The following SPATA17 variants were observed in gnomAD, a reference collection of about 807,000 sequenced individuals.
The protein encoded by SPATA17 is spermatogenesis associated 17, also known as spermatogenesis-associated protein 17.
Under a neutral mutation model 62.2 loss-of-function variants are expected in SPATA17, and 53 were observed. That is an observed-to-expected ratio of 0.85 (90% confidence interval 0.68 to 1.07). The LOEUF is 1.07. Ranked by LOEUF, SPATA17 falls within the 50% of genes least tolerant of loss-of-function variation. The probability of loss-of-function intolerance (pLI) is 0.00; values close to 1 mark genes in which losing one functional copy is unlikely to be tolerated. For synonymous variants in SPATA17, 146 were observed against 146.8 expected (o/e 0.99, Z 0.04); for missense variants, 466 against 425.5 (o/e 1.10, Z -0.84).
chr1:217,733,549 TA>T (rs1252841416), intron 5 of SPATA17, among the ~76,000 whole-genome samples: 1 of 152,222 alleles, frequency 6.6e-6, no homozygotes, highest in African/African-American at 2.4e-5. Flanking sequence ...TACATTCTGA[TA>T]AATTATCAGC....
intron 6 of SPATA17, among the ~76,000 whole-genome samples, chr1:217,749,304 C>A (rs185770218): frequency 2.0e-4 from 31 of 152,228 alleles, no homozygotes; most frequent in African/African-American, 7.5e-4. Context: ...GATATACAGG[C>A]AAAAGGATGT....
intron 5 of SPATA17, among the ~76,000 whole-genome samples, chr1:217,716,590 CTG>C (rs1672009067): frequency 6.6e-6 from 1 of 152,110 alleles, no homozygotes; most frequent in South Asian, 2.1e-4. Context: ...AACATTATAA[CTG>C]AGTAGTTACT....
intron 9 of SPATA17, among the ~76,000 whole-genome samples, chr1:217,855,140 AT>A (rs1409928319): frequency 1.3e-5 from 2 of 152,140 alleles, no homozygotes; most frequent in Non-Finnish European, 2.9e-5. Flanking sequence ...GTTATTCCCC[AT>A]TTCATTTGGT....
chr1:217,683,497 GGC>G, intron 5 of SPATA17, 136 bp downstream of exon 5: 1 of 589,650 alleles, frequency 1.7e-6, no homozygotes, highest in Non-Finnish European at 3.0e-6. Flanking sequence ...GGAGTGCAGT[GGC>G]GCAATCTCGG....
At chr1:217,738,985 T>C (rs1672571368) in intron 5 of SPATA17, among the ~76,000 whole-genome samples, 2 of 151,862 alleles carry the variant, frequency 1.3e-5, no homozygotes, top group Non-Finnish European at 2.9e-5. Flanking sequence ...AAAAACAGAG[T>C]CTATGCTCTT....
At chr1:217,698,388 T>A (rs1366783594) in intron 5 of SPATA17, among the ~76,000 whole-genome samples, 1 of 151,876 alleles carries the variant, frequency 6.6e-6, no homozygotes, top group African/African-American at 2.4e-5. Context: ...GAGCTGAGGT[T>A]GTGCCACTGC....
chr1:217,698,385 G>A (rs1305345533), intron 5 of SPATA17, among the ~76,000 whole-genome samples: 3 of 151,978 alleles, frequency 2.0e-5, no homozygotes, highest in Non-Finnish European at 2.9e-5. Flanking sequence ...AGTGAGCTGA[G>A]GTTGTGCCAC....
At chr1:217,693,188 A>G (rs569012419) in intron 5 of SPATA17, among the ~76,000 whole-genome samples, 1 of 151,614 alleles carries the variant, frequency 6.6e-6, no homozygotes, top group Non-Finnish European at 1.5e-5. Context: ...TGGTCTATTC[A>G]GAGATTCAGC....
chr1:217,753,780 G>A (rs1222443931), intron 6 of SPATA17, among the ~76,000 whole-genome samples: 1 of 151,820 alleles, frequency 6.6e-6, no homozygotes, highest in Non-Finnish European at 1.5e-5. Flanking sequence ...AAAGAATTAG[G>A]ACAAAGTACA....
intron 6 of SPATA17, among the ~76,000 whole-genome samples, chr1:217,745,160 T>C (rs1204865621): frequency 5.9e-5 from 9 of 152,180 alleles, no homozygotes; most frequent in African/African-American, 9.7e-5. Flanking sequence ...ACAGGTGAAA[T>C]TGTATTCTCA....
chr1:217,846,170 TGGG>T (rs1675523534), intron 9 of SPATA17, among the ~76,000 whole-genome samples: 1 of 152,118 alleles, frequency 6.6e-6, no homozygotes, highest in Admixed American at 6.6e-5. Context: ...TGGAAACTAA[TGGG>T]ATTCTAGATA....
At chr1:217,754,376 A>T (rs1672991723) in intron 6 of SPATA17, among the ~76,000 whole-genome samples, 2 of 152,212 alleles carry the variant, frequency 1.3e-5, no homozygotes, top group Admixed American at 1.3e-4. Flanking sequence ...TTTATAATAT[A>T]ATAAAATCCA....
At chr1:217,784,425 A>G (rs1673805128) in intron 8 of SPATA17, among the ~76,000 whole-genome samples, 1 of 152,146 alleles carries the variant, frequency 6.6e-6, no homozygotes, top group African/African-American at 2.4e-5. Context: ...TTTTGTTTTC[A>G]TATCATTATG....
chr1:217,741,360 T>G (rs2102947780), intron 5 of SPATA17, among the ~76,000 whole-genome samples: 1 of 152,278 alleles, frequency 6.6e-6, no homozygotes, highest in Non-Finnish European at 1.5e-5. Context: ...TTTATTATAC[T>G]TAGAAAAGAC....
chr1:217,855,326 G>T, intron 9 of SPATA17, among the ~76,000 whole-genome samples: 1 of 152,004 alleles, frequency 6.6e-6, no homozygotes, highest in East Asian at 1.9e-4. Context: ...TCTTACCATG[G>T]TATCACTAGC....
chr1:217,804,524 G>A (rs1674387955), intron 9 of SPATA17, among the ~76,000 whole-genome samples: 1 of 152,020 alleles, frequency 6.6e-6, no homozygotes, highest in Non-Finnish European at 1.5e-5. Context: ...GGCAACAAAA[G>A]CAAAAATAGA....
At chr1:217,772,387 AT>A (rs1227153542) in intron 6 of SPATA17, among the ~76,000 whole-genome samples, 2 of 152,202 alleles carry the variant, frequency 1.3e-5, no homozygotes, top group African/African-American at 2.4e-5. Context: ...GTACAAAAAT[AT>A]TTTTAAATGT....
chr1:217,862,667 C>A, intron 9 of SPATA17, 107 bp from the exon 10 acceptor site: 2 of 770,856 alleles, frequency 2.6e-6, no homozygotes, highest in Non-Finnish European at 4.1e-6. Flanking sequence ...ATTTGAAGTG[C>A]AGTTGAAAGA....
At chr1:217,838,515 T>C (rs1245966311) in intron 9 of SPATA17, among the ~76,000 whole-genome samples, 2 of 152,084 alleles carry the variant, frequency 1.3e-5, no homozygotes, top group Non-Finnish European at 1.5e-5. Context: ...AAAAATATTT[T>C]AATGAAAATA....
Sources: gnomAD v4.1 joint callset for allele counts (sites outside exome capture counted in the v4.1 genomes callset) on GRCh38, gnomAD v4.1.1 for gene constraint, MANE v1.5 for transcripts, NCBI Gene and HGNC (gene_info 2026-07-23, HGNC 2026-07-21) for gene names.